The following TRAPPC9 variants were observed in gnomAD, a reference collection of about 807,000 sequenced individuals.
TRAPPC9 encodes the protein IKK2 binding protein.
A neutral mutation model predicts 124.0 loss-of-function variants in TRAPPC9; 83 were observed. The ratio of observed to expected loss-of-function variants is 0.67; its 90% CI spans 0.56 to 0.80. The LOEUF (loss-of-function observed/expected upper bound fraction) is 0.80, where lower values mean the gene tolerates loss of function less well. Ranked by LOEUF, TRAPPC9 falls within the 30% of genes least tolerant of loss-of-function variation. TRAPPC9 has a pLI of 0.00. For missense variants in TRAPPC9, 1,302 were observed against 1,508.3 expected, an observed-to-expected ratio of 0.86 and a Z score of 2.27; for synonymous variants, 638 against 617.5, an observed-to-expected ratio of 1.03 and a Z score of -0.49.
intron 21 of TRAPPC9, among the ~76,000 whole-genome samples, chr8:139,756,019 C>G (rs1477366695): frequency 3.9e-5 from 5 of 129,652 alleles, no homozygotes; most frequent in African/African-American, 1.7e-4. Flanking sequence ...ATGAGGACAG[C>G]AGGTCACAGG....
At chr8:140,173,580 T>C (rs906091963) in intron 17 of TRAPPC9, among the ~76,000 whole-genome samples, 42 of 150,840 alleles carry the variant, frequency 2.8e-4, no homozygotes, top group Non-Finnish European at 5.6e-4. Flanking sequence ...AAAAATCTTC[T>C]GGTTAGCCCA....
chr8:140,288,333 CTCAA>C (rs1050687952), intron 12 of TRAPPC9, among the ~76,000 whole-genome samples: 1 of 152,210 alleles, frequency 6.6e-6, no homozygotes, highest in African/African-American at 2.4e-5. Flanking sequence ...GAGACCCTAT[CTCAA>C]TCAATCAATC....
At chr8:139,964,881 T>C (rs1835598946) in intron 19 of TRAPPC9, among the ~76,000 whole-genome samples, 1 of 152,174 alleles carries the variant, frequency 6.6e-6, no homozygotes, top group Non-Finnish European at 1.5e-5. Flanking sequence ...GAAGCTTACG[T>C]GAAAGCAGGA....
intron 17 of TRAPPC9, among the ~76,000 whole-genome samples, chr8:140,183,978 AG>A (rs2062289141): frequency 2.8e-5 from 1 of 35,974 alleles, no homozygotes; most frequent in East Asian, 7.7e-4. Context: ...GGGAGGAGGG[AG>A]GAGGGAGGAG....
intron 17 of TRAPPC9, among the ~76,000 whole-genome samples, chr8:140,118,498 G>A (rs1188159029): frequency 6.6e-6 from 1 of 152,208 alleles, no homozygotes; most frequent in Non-Finnish European, 1.5e-5. Flanking sequence ...TCCTTCTTTG[G>A]GAACTGTCAT....
At chr8:140,272,190 T>TGGTGATGGTGGTGACAGG (rs2064940843) in intron 15 of TRAPPC9, among the ~76,000 whole-genome samples, 1 of 121,246 alleles carries the variant, frequency 8.2e-6, no homozygotes, top group Admixed American at 1.0e-4. Context: ...GTGGTTATGG[T>TGGTGATGGTGGTGACAGG]GGTGATGGTG....
intron 8 of TRAPPC9, among the ~76,000 whole-genome samples, chr8:140,361,627 T>A (rs2067956634): frequency 6.6e-6 from 1 of 152,240 alleles, no homozygotes; most frequent in Non-Finnish European, 1.5e-5. Flanking sequence ...AACCTTTGAC[T>A]CTAGCTGTGA....
At chr8:140,062,279 T>C (rs925451476) in intron 17 of TRAPPC9, among the ~76,000 whole-genome samples, 3 of 152,172 alleles carry the variant, frequency 2.0e-5, no homozygotes, top group Non-Finnish European at 4.4e-5. Flanking sequence ...AGATCTCTGA[T>C]GCTCGGTATT....
At chr8:139,733,662 T>G (rs1041355756) in intron 21 of TRAPPC9, among the ~76,000 whole-genome samples, 1 of 152,194 alleles carries the variant, frequency 6.6e-6, no homozygotes, top group East Asian at 1.9e-4. Flanking sequence ...GATGACATGA[T>G]GGTGACACGC....
At chr8:139,872,667 G>A (rs1587052928) in intron 21 of TRAPPC9, among the ~76,000 whole-genome samples, 1 of 139,456 alleles carries the variant, frequency 7.2e-6, no homozygotes, top group Non-Finnish European at 1.6e-5. Flanking sequence ...TGGATGGATG[G>A]GTGGGCTGGT....
intron 17 of TRAPPC9, among the ~76,000 whole-genome samples, chr8:140,078,961 A>C (rs1843659322): frequency 6.6e-6 from 1 of 152,072 alleles, no homozygotes; most frequent in Non-Finnish European, 1.5e-5. Flanking sequence ...TCTTATCTTG[A>C]ATTGTAGCTC....
At chr8:140,002,212 T>C (rs575011604) in intron 18 of TRAPPC9, among the ~76,000 whole-genome samples, 2 of 151,790 alleles carry the variant, frequency 1.3e-5, no homozygotes, top group South Asian at 2.1e-4. Flanking sequence ...AAAACTCAAA[T>C]TTCATTCATG....
chr8:140,119,331 T>C lies in TRAPPC9; in HGVS notation c.2557-95252A>G, dbSNP rs191546550. Among the ~76,000 whole-genome samples, 78 of 152,300 alleles carry C rather than the reference T, an allele frequency of 5.1e-4. 1 individual carries two copies. Among genetic ancestry groups the C allele is most frequent in the African/African-American group, 1.5e-3 (64 of 41,550 alleles). On this transcript the variant is annotated intron_variant, in intron 17 of 22. Coordinates refer to ENST00000438773, the MANE Select transcript of TRAPPC9 (RefSeq NM_001160372.4). ...GGCTAAACAAAAATGTTATGCATGATAAGGCAAAACAGAAGTCCTTTCAGG... is the reference window on the plus strand; with the variant it reads ...GGCTAAACAAAAATGTTATGCATGACAAGGCAAAACAGAAGTCCTTTCAGG...
intron 17 of TRAPPC9, among the ~76,000 whole-genome samples, chr8:140,082,990 C>G (rs558943258): frequency 6.6e-6 from 1 of 152,240 alleles, no homozygotes; most frequent in East Asian, 1.9e-4. Flanking sequence ...GTCAAGAGAT[C>G]GAAACCATCC....
chr8:139,915,156 G>A (rs375846359), intron 19 of TRAPPC9, among the ~76,000 whole-genome samples: 1,804 of 99,232 alleles, frequency 0.018, 36 homozygotes, highest in African/African-American at 0.071. Flanking sequence ...GGAGGGTGGC[G>A]GTGGCGGTGC....
intron 21 of TRAPPC9, among the ~76,000 whole-genome samples, chr8:139,757,872 C>CGGCAAGG (rs1045445216): frequency 1.3e-5 from 2 of 152,140 alleles, no homozygotes; most frequent in Admixed American, 1.3e-4. Flanking sequence ...CCTGAACCCA[C>CGGCAAGG]GGCAAGGACG....
intron 21 of TRAPPC9, among the ~76,000 whole-genome samples, chr8:139,748,857 C>T (rs1402487537): frequency 1.3e-5 from 2 of 152,112 alleles, no homozygotes; most frequent in Non-Finnish European, 2.9e-5. Context: ...TAGTGCCCAG[C>T]AGGGCCTGTG....
At position 140,192,550 on chromosome 8, in the gene TRAPPC9, C is replaced by T. The variant is rs1017022198; in HGVS notation, c.2556+28909G>A. Among the ~76,000 whole-genome samples the T allele has an allele frequency of 4.6e-5, 7 of 152,332 alleles. No homozygotes were observed. In the East Asian group the frequency reaches 9.6e-4, roughly 21 times the overall value. On this transcript the variant is annotated intron_variant, in intron 17 of 22. Coordinates refer to ENST00000438773, the MANE Select transcript of TRAPPC9 (RefSeq NM_001160372.4). Reference sequence around the variant, plus strand: ...GAGGAGCAAGCTGCCCGCCCACAGCCCTCGCACCAGCTGTGCAGTCAGGGC... The same window carrying T: ...GAGGAGCAAGCTGCCCGCCCACAGCTCTCGCACCAGCTGTGCAGTCAGGGC...
chr8:140,337,165 G>A (rs761602283), intron 9 of TRAPPC9, among the ~76,000 whole-genome samples: 1 of 152,146 alleles, frequency 6.6e-6, no homozygotes, highest in Admixed American at 6.5e-5. Flanking sequence ...ACACGCAGCC[G>A]CGGAAGCCCA....
Sources: allele counts gnomAD v4.1 joint callset (sites outside exome capture counted in the v4.1 genomes callset), GRCh38; gene constraint gnomAD v4.1.1; transcripts MANE v1.5; gene names NCBI Gene and HGNC (gene_info 2026-07-23, HGNC 2026-07-21).